Variants in CLASP1 observed in about 807,000 individuals in gnomAD.
CLASP1 encodes the protein cytoplasmic linker associated protein 1.
CLASP1 carries 38 observed loss-of-function variants against 192.3 expected under a neutral mutation model. The observed-to-expected ratio is 0.20, with a 90% CI of 0.15 to 0.26. The LOEUF is 0.26. Among genes scored for constraint, CLASP1 ranks in the 10% least tolerant of loss-of-function variants. CLASP1 has a pLI of 1.00. For synonymous variants in CLASP1, 691 were observed against 712.8 expected (o/e 0.97, Z 0.49); for missense variants, 1,433 against 1,932.5 (o/e 0.74, Z 4.85).
intron 14 of CLASP1, among the ~76,000 whole-genome samples, chr2:121,453,780 C>T (rs1575006707): frequency 1.3e-5 from 2 of 152,172 alleles, no homozygotes; most frequent in Non-Finnish European, 1.5e-5. Context: ...ACTATATATA[C>T]GTTAATGTCA....
At chr2:121,634,805 A>G (rs1237258341) in intron 1 of CLASP1, among the ~76,000 whole-genome samples, 1 of 152,184 alleles carries the variant, frequency 6.6e-6, no homozygotes, top group African/African-American at 2.4e-5. Flanking sequence ...CTTCCTCAGA[A>G]TAGGATCCCA....
exon 25 of CLASP1, chr2:121,407,565 C>T: frequency 1.2e-6 from 2 of 1,614,018 alleles, no homozygotes; most frequent in Non-Finnish European, 1.7e-6. Flanking sequence ...TTGAGAACTT[C>T]TGCTACATCC....
At chr2:121,601,266 T>G (rs2063748003) in intron 2 of CLASP1, among the ~76,000 whole-genome samples, 1 of 151,548 alleles carries the variant, frequency 6.6e-6, no homozygotes, top group Non-Finnish European at 1.5e-5. Context: ...AGGAAAAGCG[T>G]TCAGCATTTT....
intron 8 of CLASP1, chr2:121,490,218 C>T (rs2150142133): frequency 4.8e-6 from 2 of 413,040 alleles, no homozygotes; most frequent in South Asian, 1.8e-5. Context: ...TAAGCATTTC[C>T]TAGCCAAGCA....
rs920414854 is a variant in CLASP1, at chr2:121,607,009, T to G, written c.-285-829A>C. The stretch of plus-strand genomic sequence containing the variant: ...AGGCAGAGCTTGCAGTGAGCCGAGA[T>G]TGCGCCACTGTACTCCAGCCTGGGC... On this transcript the variant is annotated intron_variant, in intron 1 of 39. Coordinates refer to ENST00000263710, the Ensembl canonical transcript of CLASP1. 2.6e-5 allele frequency among the ~76,000 whole-genome samples: 4 copies of G among 151,540 alleles called. No individual in the cohort carries two copies. The East Asian group carries it at 7.8e-4, about 30-fold the overall frequency.
intron 1 of CLASP1, among the ~76,000 whole-genome samples, chr2:121,619,556 G>A (rs752150087): frequency 3.8e-4 from 57 of 151,970 alleles, no homozygotes; most frequent in Non-Finnish European, 4.3e-4. Flanking sequence ...ACAACAAAAA[G>A]GCAACTGCAT....
At chr2:121,468,315 C>T (rs910349162) in intron 9 of CLASP1, among the ~76,000 whole-genome samples, 2 of 151,684 alleles carry the variant, frequency 1.3e-5, no homozygotes, top group African/African-American at 4.8e-5. Context: ...TCTTCTAATT[C>T]TGTCAATGTT....
At chr2:121,549,773 A>C (rs1463820769) in intron 2 of CLASP1, among the ~76,000 whole-genome samples, 1 of 149,362 alleles carries the variant, frequency 6.7e-6, no homozygotes, top group African/African-American at 2.5e-5. Context: ...TGGGAGGCAG[A>C]GGCGGGCAGA....
At chr2:121,402,639 C>CA (rs1394357232) in intron 26 of CLASP1, 1 of 518,908 alleles carries the variant, frequency 1.9e-6, no homozygotes, top group Non-Finnish European at 3.8e-6. Flanking sequence ...TCTTTATCCT[C>CA]ACATTCTGCT....
At chr2:121,357,755 C>A (rs770280526) in intron 37 of CLASP1, among the ~76,000 whole-genome samples, 1 of 152,158 alleles carries the variant, frequency 6.6e-6, no homozygotes, top group Non-Finnish European at 1.5e-5. Flanking sequence ...TTTCTCCACT[C>A]GACACAGAGA....
chr2:121,477,106 T>C (rs2091719449), intron 8 of CLASP1, among the ~76,000 whole-genome samples: 1 of 152,230 alleles, frequency 6.6e-6, no homozygotes, highest in African/African-American at 2.4e-5. Context: ...ATTAGCTGGC[T>C]GCAGATCTGT....
intron 2 of CLASP1, among the ~76,000 whole-genome samples, chr2:121,600,902 C>T (rs191513443): frequency 3.9e-4 from 60 of 152,322 alleles, no homozygotes; most frequent in African/African-American, 1.4e-3. Context: ...AAGGCAATCA[C>T]GGACACTCAT....
chr2:121,581,674 G>A (rs552027077), intron 2 of CLASP1, among the ~76,000 whole-genome samples: 6 of 152,262 alleles, frequency 3.9e-5, no homozygotes, highest in South Asian at 4.1e-4. Flanking sequence ...TGCTTGAGCC[G>A]AGGAGTTTGA....
At chr2:121,467,629 T>C (rs1469347395) in intron 9 of CLASP1, among the ~76,000 whole-genome samples, 1 of 152,208 alleles carries the variant, frequency 6.6e-6, no homozygotes, top group Non-Finnish European at 1.5e-5. Flanking sequence ...TCATTTTCTT[T>C]GCCCACTTTT....
chr2:121,487,397 C>T (rs1008758916), intron 8 of CLASP1, among the ~76,000 whole-genome samples: 2 of 152,092 alleles, frequency 1.3e-5, no homozygotes, highest in Admixed American at 6.5e-5. Flanking sequence ...GCACATAACC[C>T]AACACGCAGA....
At chr2:121,456,679 G>C (rs918603874) in intron 14 of CLASP1, among the ~76,000 whole-genome samples, 23 of 152,220 alleles carry the variant, frequency 1.5e-4, no homozygotes, top group African/African-American at 5.1e-4. Flanking sequence ...GACAAATATA[G>C]AGCTGCTTCA....
intron 14 of CLASP1, 33 bp downstream of exon 14, chr2:121,457,654 T>G: frequency 6.4e-7 from 1 of 1,553,408 alleles, no homozygotes; most frequent in Non-Finnish European, 8.8e-7. Context: ...TTTAAACAAT[T>G]CAAAAACAAT....
intron 1 of CLASP1, among the ~76,000 whole-genome samples, chr2:121,625,713 C>A (rs914795892): frequency 6.6e-6 from 1 of 151,682 alleles, no homozygotes; most frequent in Non-Finnish European, 1.5e-5. Flanking sequence ...GCATTACAAG[C>A]ATGAGCCACC....
At chr2:121,573,907 A>G (rs2060210430) in intron 2 of CLASP1, among the ~76,000 whole-genome samples, 2 of 152,240 alleles carry the variant, frequency 1.3e-5, no homozygotes, top group Non-Finnish European at 1.5e-5. Context: ...CTTACCACAC[A>G]TAGACCAGCA....
Sources: allele counts gnomAD v4.1 joint callset (sites outside exome capture counted in the v4.1 genomes callset), GRCh38; gene constraint gnomAD v4.1.1; transcripts MANE v1.5; gene names NCBI Gene and HGNC (gene_info 2026-07-23, HGNC 2026-07-21).